Variants in USP36 observed in about 807,000 individuals in gnomAD.
USP36 encodes ubiquitin carboxyl-terminal hydrolase 36.
A neutral mutation model predicts 111.5 loss-of-function variants in USP36; 59 were observed. That is an observed-to-expected ratio of 0.53 (90% confidence interval 0.43 to 0.66). The LOEUF (loss-of-function observed/expected upper bound fraction) is 0.66. USP36 is among the 30% of genes least tolerant of loss of function. The probability of loss-of-function intolerance (pLI) is 0.00; values close to 1 mark genes in which losing one functional copy is unlikely to be tolerated. For synonymous variants in USP36, 628 were observed against 581.0 expected (o/e 1.08, Z -1.16); for missense variants, 1,488 against 1,468.0 (o/e 1.01, Z -0.22).
intron 4 of USP36, among the ~76,000 whole-genome samples, chr17:78,832,358 T>G (rs2068217878): frequency 6.6e-6 from 1 of 152,128 alleles, no homozygotes; most frequent in South Asian, 2.1e-4. Flanking sequence ...CAAAGCCCAC[T>G]TAGGGGTCAC....
rs780000218 is a variant in USP36, at chr17:78,803,413, C to T, written c.2782G>A (p.Gly928Ser). 9.3e-6 allele frequency: 15 copies of T among 1,613,880 alleles called. No individual in the cohort carries two copies. Among genetic ancestry groups the T allele is most frequent in the Middle Eastern group, 1.6e-4 (1 of 6,062 alleles). The change falls in exon 16 of 21, where the codon GGC (glycine) becomes AGC (serine). Residue 928 changes from glycine (G) to serine (S), a missense_variant. By Grantham distance (56) the Gly-to-Ser change is moderately conservative (BLOSUM62 0). Around this residue, in one of 3 missense-constraint regions of USP36, gnomAD observed 1,073 missense variants for 994.1 expected, o/e 1.08. Coordinates refer to ENST00000449938, the MANE Select transcript of USP36 (RefSeq NM_001385174.1). The surrounding 1 kb of genome is among the most constrained non-coding windows in gnomAD (Gnocchi z 4.6). ...KGAEGLGEEG[G>S]LHQDPLRHSC... ...TGCCGAAGTGGGTCCTGGTGCAGGCCGCCTTCTTCACCAAGACCTTCTGCT... is the reference window on the plus strand; with the variant it reads ...TGCCGAAGTGGGTCCTGGTGCAGGCTGCCTTCTTCACCAAGACCTTCTGCT...
chr17:78,837,322 C>T (rs2068774706), intron 2 of USP36, among the ~76,000 whole-genome samples: 1 of 151,896 alleles, frequency 6.6e-6, no homozygotes, highest in Admixed American at 6.6e-5. Flanking sequence ...TCCCAGGACT[C>T]TTATCAAAAG....
At position 78,807,244 on chromosome 17, in the gene USP36, G is replaced by C; in HGVS notation, c.1800C>G (p.Asp600Glu). 1 of 1,614,054 alleles carries C rather than the reference G, an allele frequency of 6.2e-7. No individual in the cohort carries two copies. The highest frequency in any genetic ancestry group is 8.5e-7 in the Non-Finnish European group (1 of 1,179,996). ...CCCTCCTGTCGAGGCCAGCGCTCTC[G>C]TCGTTCCCCTTCAGCCCATGCCCGT... The part of the protein sequence containing the change: ...TANGHGLKGN[D>E]ESAGLDRRGS... The change falls in exon 14 of 21, where the codon GAC becomes GAG. Residue 600 changes from aspartate to glutamate, a missense_variant. By Grantham distance (45) the Asp-to-Glu change is conservative. Transcript: ENST00000449938.
intron 3 of USP36, among the ~76,000 whole-genome samples, chr17:78,789,199 A>G (rs996578206): frequency 8.0e-6 from 1 of 124,830 alleles, no homozygotes; most frequent in Non-Finnish European, 1.6e-5. Context: ...CTTGGTCCCA[A>G]AAAAAAAAAA....
At chr17:78,809,820 G>A (rs1272852463) in intron 13 of USP36, among the ~76,000 whole-genome samples, 2 of 151,942 alleles carry the variant, frequency 1.3e-5, no homozygotes, top group African/African-American at 4.8e-5. Flanking sequence ...ATGGGGTTTT[G>A]GAGATGGGGG....
At chr17:78,795,126 G>T (rs2093612137), downstream of USP36, among the ~76,000 whole-genome samples, 1 of 152,040 alleles carries the variant, frequency 6.6e-6, no homozygotes, top group African/African-American at 2.4e-5. This position sits in a 1 kb window ranked among gnomAD's most constrained non-coding sequence, Gnocchi z 4.5. Context: ...CCGCTGCCCA[G>T]GCTACAACGC....
chr17:78,817,321 T>C (rs922097724), intron 10 of USP36, among the ~76,000 whole-genome samples: 3 of 152,206 alleles, frequency 2.0e-5, no homozygotes, highest in Non-Finnish European at 4.4e-5. Context: ...TCTACGACAT[T>C]AAGAATCTGC....
rs2093627191 is a variant in USP36, at chr17:78,796,263, G to A, written c.*1637C>T. 2.0e-5 allele frequency: 3 copies of A among 152,066 alleles called. No individual in the cohort carries two copies. The South Asian group carries it at 6.2e-4, about 32-fold the overall frequency. The allele number at this position is 152,066 out of a possible 1,614,324, so 9.4% of individuals were successfully genotyped here. A position where few individuals can be genotyped will look rare whatever the true frequency, so the allele number is the denominator to read the frequency against. ...ACATCACACGGTAAACATGGCAGAG[G>A]GAACAGTTCACACAGGAATGCAAGT... is the stretch of plus-strand genomic sequence containing the variant. On this transcript the variant is annotated 3_prime_UTR_variant, in exon 21 of 21. Coordinates refer to ENST00000449938, the MANE Select transcript of USP36 (RefSeq NM_001385174.1).
At chr17:78,800,003 C>T (rs1166270770) in intron 17 of USP36, among the ~76,000 whole-genome samples, 1 of 149,168 alleles carries the variant, frequency 6.7e-6, no homozygotes, top group Non-Finnish European at 1.5e-5. Context: ...TGAGCCATGG[C>T]GCCCAGCCTA....
At chr17:78,827,178 A>G in intron 6 of USP36, 67 bp downstream of exon 6, 2 of 1,266,512 alleles carry the variant, frequency 1.6e-6, no homozygotes, top group Non-Finnish European at 2.1e-6. Context: ...TGCCATAGGA[A>G]TGTTCTGCTG....
Position 78,813,783 on chromosome 17 carries a change from A to G in USP36, c.1255T>C (p.Phe419Leu). 6.2e-7 allele frequency: 1 copy of G among 1,614,008 alleles called. No individual in the cohort carries two copies. Among genetic ancestry groups the G allele is most frequent in the Non-Finnish European group, 8.5e-7 (1 of 1,179,926 alleles). ...VVLNQQAYVL[F>L]YLRIPGSKKS... ...GCGTGAGTTTATTACCGCAGATAGAACAGCACGTAGGCCTGCTGGTTCAGA... is the reference window on the plus strand; with the variant it reads ...GCGTGAGTTTATTACCGCAGATAGAGCAGCACGTAGGCCTGCTGGTTCAGA... Residue 419 changes from phenylalanine to leucine, a missense_variant, in exon 12 of 21, where the codon TTC (phenylalanine) becomes CTC (leucine). Coordinates refer to ENST00000449938, the MANE Select transcript of USP36 (RefSeq NM_001385174.1).
chr17:78,819,795 G>T, intron 9 of USP36, 135 bp downstream of exon 9: 1 of 829,904 alleles, frequency 1.2e-6, no homozygotes, highest in Non-Finnish European at 1.9e-6. Flanking sequence ...GAGTTTTTAG[G>T]ACACACATAG....
chr17:78,819,722 T>G (rs893593765), intron 9 of USP36, among the ~76,000 whole-genome samples: 3 of 152,224 alleles, frequency 2.0e-5, no homozygotes, highest in Non-Finnish European at 2.9e-5. Flanking sequence ...TTAGAACAGG[T>G]ATGGTGTAAA....
chr17:78,804,994 G>C (rs2145068200), intron 15 of USP36, among the ~76,000 whole-genome samples: 1 of 152,252 alleles, frequency 6.6e-6, no homozygotes, highest in Middle Eastern at 3.4e-3. Flanking sequence ...GCTGAAACCG[G>C]GACACAGATG....
chr17:78,835,062 T>A (rs1219255399), intron 4 of USP36, among the ~76,000 whole-genome samples: 1 of 151,734 alleles, frequency 6.6e-6, no homozygotes, highest in Non-Finnish European at 1.5e-5. Context: ...GGTAATTATT[T>A]ACAGAAAAGC....
chr17:78,807,393 G>A lies in USP36; in HGVS notation c.1651C>T (p.Gln551Ter). 1 of 1,614,170 alleles carries A rather than the reference G, an allele frequency of 6.2e-7. No homozygotes were observed. Among genetic ancestry groups the A allele is most frequent in the Non-Finnish European group, 8.5e-7 (1 of 1,180,018 alleles). ...GAGTTGCTGGTCCCAGGCAGCCCCT[G>A]AGCAGTTCTGGGGGAAAAGTGCTGT... is the stretch of plus-strand genomic sequence containing the variant. The part of the protein sequence containing the change: ...PPQHFSPRTA[Q>*]GLPGTSNSNS... The change falls in exon 14 of 21, where the codon CAG becomes TAG. Residue 551 changes from glutamine (Q) to a stop codon, truncating the protein, a stop_gained. Transcript: ENST00000449938. LOFTEE classifies it high-confidence loss of function.
At chr17:78,827,108 G>A (rs1446393108) in intron 6 of USP36, 137 bp downstream of exon 6, 1 of 969,294 alleles carries the variant, frequency 1.0e-6, no homozygotes, top group East Asian at 2.6e-5. Context: ...AGTACCCAGA[G>A]GCAAATTCTG....
Position 78,803,750 on chromosome 17 carries a change from G to A in USP36, c.2445C>T (p.Thr815=). The change falls in exon 16 of 21, where the codon ACC becomes ACT. Residue 815 remains threonine (T), a synonymous_variant. Transcript: ENST00000449938. This position sits in a 1 kb window ranked among gnomAD's most constrained non-coding sequence, Gnocchi z 4.6. ...CCAGCCTCTGCGGCTCTCCCACAAA[G>A]GTCTTTTTCCTCTTCTCAGAGGGGC... ...PQSPSEKRKK[T]FVGEPQRLGS... The A allele has an allele frequency of 6.2e-7, 1 of 1,612,642 alleles. No homozygotes were observed. Among genetic ancestry groups the A allele is most frequent in the Non-Finnish European group, 8.5e-7 (1 of 1,179,952 alleles).
At chr17:78,793,525 C>T (rs2093599922), downstream of USP36, among the ~76,000 whole-genome samples, 8 of 152,186 alleles carry the variant, frequency 5.3e-5, no homozygotes, top group Admixed American at 5.2e-4. Flanking sequence ...GAAGCAGCAG[C>T]AGGGCCACCT....
Sources: gnomAD v4.1 joint callset for allele counts (sites outside exome capture counted in the v4.1 genomes callset) on GRCh38, gnomAD v4.1.1 for gene constraint, gnomAD v4.1.1 regional missense constraint, Gnocchi (gnomAD v3.1) non-coding constraint, MANE v1.5 for transcripts, NCBI Gene and HGNC (gene_info 2026-07-23, HGNC 2026-07-21) for gene names.